MNDA: variants seen among roughly 807,000 people sequenced by gnomAD.
MNDA encodes myeloid cell nuclear differentiation antigen.
In MNDA, 43 loss-of-function variants were observed where a neutral mutation model predicts 37.8. The observed-to-expected ratio is 1.14, with a 90% CI of 0.89 to 1.47. MNDA has a LOEUF of 1.47. MNDA is among the 40% of genes most tolerant of loss of function. MNDA has a pLI of 0.00. For synonymous variants in MNDA, 181 were observed against 169.0 expected, an observed-to-expected ratio of 1.07 and a Z score of -0.55; for missense variants, 536 against 476.0, an observed-to-expected ratio of 1.13 and a Z score of -1.17.
intron 1 of MNDA, among the ~76,000 whole-genome samples, chr1:158,832,482 G>C (rs1229189761): frequency 6.6e-6 from 1 of 151,312 alleles, no homozygotes; most frequent in Non-Finnish European, 1.5e-5. Context: ...TAGTTCTTTT[G>C]ATTTCTACCA....
At chr1:158,847,644 G>A in intron 5 of MNDA, 84 bp from the exon 6 acceptor site, 3 of 1,316,696 alleles carry the variant, frequency 2.3e-6, no homozygotes, top group Middle Eastern at 2.5e-4. Flanking sequence ...CGTGCATATT[G>A]CATTAACTTT....
At chr1:158,842,654 G>A in intron 2 of MNDA, 1 of 353,558 alleles carries the variant, frequency 2.8e-6, no homozygotes. Context: ...ACCAAAGACA[G>A]GGATTTATGA....
chr1:158,840,180 A>T (rs753363790), intron 1 of MNDA, among the ~76,000 whole-genome samples: 2 of 152,214 alleles, frequency 1.3e-5, no homozygotes, highest in Admixed American at 6.5e-5. Flanking sequence ...TCAACAAATC[A>T]TGCCACTATT....
intron 1 of MNDA, among the ~76,000 whole-genome samples, chr1:158,838,901 T>A (rs562804891): frequency 6.6e-6 from 1 of 152,202 alleles, no homozygotes; most frequent in East Asian, 1.9e-4. Flanking sequence ...CAATGTGTTT[T>A]TCAGCTTCAG....
At chr1:158,844,497 G>A (rs1659094307) in intron 4 of MNDA, among the ~76,000 whole-genome samples, 1 of 147,354 alleles carries the variant, frequency 6.8e-6, no homozygotes, top group South Asian at 2.2e-4. Flanking sequence ...AAATAGGCCA[G>A]GACACTGTGG....
At chr1:158,834,983 C>G (rs1003240389) in intron 1 of MNDA, among the ~76,000 whole-genome samples, 5 of 152,124 alleles carry the variant, frequency 3.3e-5, no homozygotes, top group Non-Finnish European at 7.4e-5. Flanking sequence ...TTATGTCTGT[C>G]TTTATGCCAA....
chr1:158,849,339 C>A lies in MNDA; in HGVS notation c.*102C>A. 1 of 1,017,292 alleles carries A rather than the reference C, an allele frequency of 9.8e-7. No homozygotes were observed. Among genetic ancestry groups the A allele is most frequent in the Non-Finnish European group, 1.5e-6 (1 of 678,626 alleles). The allele number at this position is 1,017,292 out of a possible 1,614,324, so 63.0% of individuals were successfully genotyped here. A position where few individuals can be genotyped will look rare whatever the true frequency, so the allele number is the denominator to read the frequency against. On this transcript the variant is annotated 3_prime_UTR_variant, in exon 7 of 7. Transcript: ENST00000368141. ...TCAGTAATTCATTTAAATGATGTTT[C>A]AGTAGATATATTCTAGCATATTAAG...
chr1:158,842,494 T>C (rs1659049213), intron 2 of MNDA, 76 bp downstream of exon 2: 3 of 1,462,156 alleles, frequency 2.1e-6, no homozygotes, highest in Non-Finnish European at 9.3e-7. Flanking sequence ...ACCTTGGTCA[T>C]AGCTGGTACA....
rs75768566 is a variant in MNDA, at chr1:158,833,440, T to G, written c.-21+1883T>G. On this transcript the variant is annotated intron_variant, in intron 1 of 6. Coordinates refer to ENST00000368141, the MANE Select transcript of MNDA (RefSeq NM_002432.3). Reference sequence around the variant, plus strand: ...AACCAACCTCCAGAACGCCTTTGCATCTTGCAAAACTAAAACTCTAACCGT... The same window carrying G: ...AACCAACCTCCAGAACGCCTTTGCAGCTTGCAAAACTAAAACTCTAACCGT... Among the ~76,000 whole-genome samples, 16 of 152,332 alleles carry G rather than the reference T, an allele frequency of 1.1e-4. No individual in the cohort carries two copies. The East Asian group carries it at 2.7e-3, about 26-fold the overall frequency.
intron 6 of MNDA, 107 bp from the exon 7 acceptor site, chr1:158,849,083 A>G: frequency 2.6e-6 from 2 of 782,976 alleles, no homozygotes; most frequent in Non-Finnish European, 4.1e-6. Flanking sequence ...AAGGAGAATA[A>G]TGTAGCCAAT....
chr1:158,833,525 C>G (rs1384356411), intron 1 of MNDA, among the ~76,000 whole-genome samples: 4 of 152,192 alleles, frequency 2.6e-5, no homozygotes, highest in Non-Finnish European at 5.9e-5. Flanking sequence ...ATTCTACCTT[C>G]TTTCCCCATA....
rs971117295 is a variant in MNDA, at chr1:158,845,939, A to G, written c.923A>G (p.Lys308Arg). Reference protein sequence around the residue: ...RIIEIANKTPKISQLYKQASG... With the variant: ...RIIEIANKTPRISQLYKQASG... ...ATCGAAATAGCAAATAAAACTCCCA[A>G]GATCAGTCAACTTTACAAGCAAGCA... Residue 308 changes from lysine (K) to arginine (R), a missense_variant, in exon 5 of 7, where the codon AAG (lysine) becomes AGG (arginine). By Grantham distance (26) the Lys-to-Arg change is conservative. Transcript: ENST00000368141. 2 of 1,614,168 alleles carry G rather than the reference A, an allele frequency of 1.2e-6. No individual in the cohort carries two copies. The highest frequency in any genetic ancestry group is 1.7e-6 in the Non-Finnish European group (2 of 1,180,020).
chr1:158,832,055 AT>A (rs1219035114), intron 1 of MNDA, among the ~76,000 whole-genome samples: 5 of 152,174 alleles, frequency 3.3e-5, no homozygotes, highest in Admixed American at 1.3e-4. Context: ...TAATCTTTAC[AT>A]TTTCATGAAT....
chr1:158,832,294 T>A (rs1658819419), intron 1 of MNDA, among the ~76,000 whole-genome samples: 1 of 151,974 alleles, frequency 6.6e-6, no homozygotes, highest in African/African-American at 2.4e-5. Flanking sequence ...TGAGAAGAGT[T>A]TATAAACGTT....
intron 1 of MNDA, among the ~76,000 whole-genome samples, chr1:158,836,840 G>C (rs1265632060): frequency 6.6e-6 from 1 of 151,638 alleles, no homozygotes; most frequent in Non-Finnish European, 1.5e-5. Context: ...TGTAAATGTA[G>C]TTGTTTAAAT....
chr1:158,836,788 C>T (rs1658924678), intron 1 of MNDA, among the ~76,000 whole-genome samples: 1 of 150,856 alleles, frequency 6.6e-6, no homozygotes, highest in Admixed American at 6.6e-5. Context: ...TTTTTAAGTT[C>T]CTTATGGTGT....
At position 158,835,514 on chromosome 1, in the gene MNDA, C is replaced by T. The variant is rs1658890038; in HGVS notation, c.-21+3957C>T. On this transcript the variant is annotated intron_variant, in intron 1 of 6. Transcript: ENST00000368141. ...AAGTATTTACATAGAATCTTTGGGA[C>T]TTTCCACATATAAGATCATATCACC... is the stretch of plus-strand genomic sequence containing the variant. Among the ~76,000 whole-genome samples, 3 of 150,666 alleles carry T rather than the reference C, an allele frequency of 2.0e-5. No homozygotes were observed. In the Admixed American group the frequency reaches 2.0e-4, roughly 10 times the overall value.
At chr1:158,840,894 C>G (rs1659017741) in intron 1 of MNDA, among the ~76,000 whole-genome samples, 1 of 152,110 alleles carries the variant, frequency 6.6e-6, no homozygotes, top group South Asian at 2.1e-4. Flanking sequence ...GAACAATTTA[C>G]AGCCCTAAGA....
At chr1:158,835,079 A>T (rs545107163) in intron 1 of MNDA, among the ~76,000 whole-genome samples, 1 of 152,350 alleles carries the variant, frequency 6.6e-6, no homozygotes, top group Non-Finnish European at 1.5e-5. Context: ...TTTCAAGATT[A>T]AAAAAGGCTA....
Sources: gnomAD v4.1 joint callset for allele counts (sites outside exome capture counted in the v4.1 genomes callset) on GRCh38, gnomAD v4.1.1 for gene constraint, MANE v1.5 for transcripts, NCBI Gene and HGNC (gene_info 2026-07-23, HGNC 2026-07-21) for gene names.